The following SLC2A13 variants were observed in gnomAD, a reference collection of about 807,000 sequenced individuals.
SLC2A13 encodes solute carrier family 2 member 13, also known as proton myo-inositol cotransporter.
Under a neutral mutation model 64.4 loss-of-function variants are expected in SLC2A13, and 32 were observed. The observed-to-expected ratio is 0.50, with a 90% CI of 0.37 to 0.67. The LOEUF (loss-of-function observed/expected upper bound fraction) is 0.67. Ranked by LOEUF, SLC2A13 falls within the 30% of genes least tolerant of loss-of-function variation. The pLI is 0.00. For synonymous variants in SLC2A13, 338 were observed against 327.1 expected, an observed-to-expected ratio of 1.03 and a Z score of -0.36; for missense variants, 743 against 829.2, an observed-to-expected ratio of 0.90 and a Z score of 1.28.
At chr12:39,955,003 A>G (rs1234774045) in intron 3 of SLC2A13, among the ~76,000 whole-genome samples, 2 of 152,176 alleles carry the variant, frequency 1.3e-5, no homozygotes, top group Admixed American at 1.3e-4. Flanking sequence ...ACTATCAACA[A>G]ACTTGACCTA....
chr12:40,013,795 A>G (rs552131344), intron 3 of SLC2A13, among the ~76,000 whole-genome samples: 58 of 152,258 alleles, frequency 3.8e-4, no homozygotes, highest in Non-Finnish European at 6.3e-4. Flanking sequence ...CCCTCATCCC[A>G]TTCACTTCTC....
chr12:39,844,307 G>A (rs1943251641), intron 6 of SLC2A13, among the ~76,000 whole-genome samples: 1 of 151,962 alleles, frequency 6.6e-6, no homozygotes, highest in South Asian at 2.1e-4. Context: ...CACAGTTTAG[G>A]GTCATAGTAA....
At chr12:39,841,875 A>G (rs1331665798) in intron 6 of SLC2A13, among the ~76,000 whole-genome samples, 3 of 152,084 alleles carry the variant, frequency 2.0e-5, no homozygotes, top group African/African-American at 7.2e-5. Context: ...GTCGACTAGT[A>G]TTTGTAGCTA....
chr12:39,772,233 G>A (rs1940608565), intron 7 of SLC2A13, among the ~76,000 whole-genome samples: 1 of 152,140 alleles, frequency 6.6e-6, no homozygotes, highest in South Asian at 2.1e-4. Context: ...TTGTATCTCA[G>A]TTCTCTCCCT....
intron 3 of SLC2A13, among the ~76,000 whole-genome samples, chr12:40,020,695 G>C (rs1278170774): frequency 6.6e-6 from 1 of 151,690 alleles, no homozygotes; most frequent in African/African-American, 2.4e-5. Flanking sequence ...AAAAAAAAAA[G>C]GGTTTTCTTC....
At chr12:40,089,673 T>A (rs929950349) in intron 1 of SLC2A13, among the ~76,000 whole-genome samples, 1 of 152,196 alleles carries the variant, frequency 6.6e-6, no homozygotes, top group African/African-American at 2.4e-5. Context: ...AAGGAGTCTG[T>A]CTCACTGTTG....
intron 3 of SLC2A13, among the ~76,000 whole-genome samples, chr12:40,006,995 CA>C (rs1947433451): frequency 6.6e-6 from 1 of 152,188 alleles, no homozygotes; most frequent in South Asian, 2.1e-4. Flanking sequence ...GGTCACTAAT[CA>C]GTTTATTTAT....
chr12:40,083,062 T>C (rs1180537696), intron 1 of SLC2A13, among the ~76,000 whole-genome samples: 1 of 152,210 alleles, frequency 6.6e-6, no homozygotes, highest in Non-Finnish European at 1.5e-5. Flanking sequence ...TCAGCCATCT[T>C]GTTAAATAGC....
intron 2 of SLC2A13, among the ~76,000 whole-genome samples, chr12:40,044,490 G>A (rs1360944022): frequency 6.6e-6 from 1 of 152,108 alleles, no homozygotes; most frequent in Non-Finnish European, 1.5e-5. Context: ...TCTCAATAAA[G>A]TTGTTTTTAT....
At chr12:39,832,534 C>A (rs1942883976) in intron 6 of SLC2A13, among the ~76,000 whole-genome samples, 1 of 152,076 alleles carries the variant, frequency 6.6e-6, no homozygotes, top group African/African-American at 2.4e-5. Flanking sequence ...CTCATCCAAG[C>A]GTGACCCCAA....
intron 3 of SLC2A13, among the ~76,000 whole-genome samples, chr12:40,003,543 T>G (rs1947353601): frequency 6.6e-6 from 1 of 152,112 alleles, no homozygotes; most frequent in South Asian, 2.1e-4. Context: ...GGTAGCTAAA[T>G]CTGTTGGTTC....
At chr12:39,830,292 T>G in intron 6 of SLC2A13, 64 bp from the exon 7 acceptor site, 2 of 1,559,630 alleles carry the variant, frequency 1.3e-6, no homozygotes, top group South Asian at 1.2e-5. Flanking sequence ...ATATACTGGA[T>G]TCCATGTGCT....
At chr12:39,921,816 T>C (rs777314998) in intron 4 of SLC2A13, among the ~76,000 whole-genome samples, 3 of 152,130 alleles carry the variant, frequency 2.0e-5, no homozygotes, top group Admixed American at 6.6e-5. Flanking sequence ...CCAACATGAC[T>C]AATTTGAATA....
intron 1 of SLC2A13, among the ~76,000 whole-genome samples, chr12:40,098,049 G>GTA (rs1298414311): frequency 6.6e-6 from 1 of 150,606 alleles, no homozygotes; most frequent in African/African-American, 2.4e-5. Context: ...GTATATATGT[G>GTA]TATATATGTA....
At chr12:39,972,000 AT>A (rs2136131255) in intron 3 of SLC2A13, among the ~76,000 whole-genome samples, 2 of 17,962 alleles carry the variant, frequency 1.1e-4, no homozygotes, top group East Asian at 3.6e-3. Flanking sequence ...AAAAAAAAAT[AT>A]ATATATATAT....
At chr12:40,091,805 T>C (rs1175549150) in intron 1 of SLC2A13, among the ~76,000 whole-genome samples, 1 of 152,182 alleles carries the variant, frequency 6.6e-6, no homozygotes, top group Admixed American at 6.5e-5. Context: ...TTGATGTCTG[T>C]CTCCAACAGA....
intron 4 of SLC2A13, among the ~76,000 whole-genome samples, chr12:39,880,056 T>G (rs537582752): frequency 2.1e-4 from 32 of 152,248 alleles, no homozygotes; most frequent in East Asian, 3.9e-4. Flanking sequence ...TCTCTCTCTC[T>G]CGCGCTTGCT....
At chr12:40,066,015 G>A (rs900534601) in intron 1 of SLC2A13, among the ~76,000 whole-genome samples, 3 of 152,150 alleles carry the variant, frequency 2.0e-5, no homozygotes, top group African/African-American at 7.2e-5. Flanking sequence ...TTTATACTTG[G>A]CACACTTTTC....
chr12:39,870,262 T>G (rs1242454836), intron 5 of SLC2A13, among the ~76,000 whole-genome samples: 1 of 152,178 alleles, frequency 6.6e-6, no homozygotes, highest in Non-Finnish European at 1.5e-5. Flanking sequence ...GTGTCATCCA[T>G]TAAAAATATT....
Sources: allele counts gnomAD v4.1 joint callset (sites outside exome capture counted in the v4.1 genomes callset), GRCh38; gene constraint gnomAD v4.1.1; transcripts MANE v1.5; gene names NCBI Gene and HGNC (gene_info 2026-07-23, HGNC 2026-07-21).